TGM6: variants seen among roughly 807,000 people sequenced by gnomAD.
TGM6 encodes the protein transglutaminase 6.
Under a neutral mutation model 77.5 loss-of-function variants are expected in TGM6, and 74 were observed. That is an observed-to-expected ratio of 0.96 (90% CI 0.79 to 1.16). The LOEUF (loss-of-function observed/expected upper bound fraction) is 1.16. TGM6 is among the 50% of genes most tolerant of loss of function. The pLI is 0.00. For synonymous variants in TGM6, 383 were observed against 378.9 expected (o/e 1.01, Z -0.12); for missense variants, 968 against 940.2 (o/e 1.03, Z -0.39).
At chr20:2,388,922 A>C (rs1202904903) in intron 1 of TGM6, among the ~76,000 whole-genome samples, 1 of 152,204 alleles carries the variant, frequency 6.6e-6, no homozygotes, top group Non-Finnish European at 1.5e-5. Flanking sequence ...GTGGTTCTCA[A>C]CTGTGGCAGA....
Position 2,430,912 on chromosome 20 carries a change from G to A in TGM6, c.1852G>A (p.Val618Met), listed in dbSNP as rs941528706. 2 of 1,614,206 alleles carry A rather than the reference G, an allele frequency of 1.2e-6. No homozygotes were observed. Among genetic ancestry groups the A allele is most frequent in the Non-Finnish European group, 1.7e-6 (2 of 1,180,040 alleles). The change falls in exon 12 of 13, where the codon GTG becomes ATG. Residue 618 changes from valine (V) to methionine (M), a missense_variant. Transcript: ENST00000202625. ...ITIKVLGPAM[V>M]GVAVTVEVTV... ...CCTTCAGGTTCTGGGCCCAGCCATG[G>A]TGGGAGTGGCAGTTACAGTGGAAGT...
Position 2,395,200 on chromosome 20 carries a change from G to C in TGM6, c.188G>C (p.Arg63Pro). ...TCCCTCTCCTCTCCTCCAGGACCCCGGGCTTCTGAGGCCCTCCACACCAAA... is the reference window on the plus strand; with the variant it reads ...TCCCTCTCCTCTCCTCCAGGACCCCCGGCTTCTGAGGCCCTCCACACCAAA... ...ILIFTMETGPRASEALHTKAV... is the reference protein window; with the variant it reads ...ILIFTMETGPPASEALHTKAV... Residue 63 changes from arginine (R) to proline (P), a missense_variant, in exon 3 of 13, where the codon CGG becomes CCG. By Grantham distance (103) the Arg-to-Pro change is moderately radical. Transcript: ENST00000202625. The C allele has an allele frequency of 6.2e-7, 1 of 1,613,226 alleles. No homozygotes were observed. The highest frequency in any genetic ancestry group is 2.2e-5 in the East Asian group (1 of 44,876).
chr20:2,412,276 C>T (rs1404842541), intron 9 of TGM6, among the ~76,000 whole-genome samples: 2 of 152,016 alleles, frequency 1.3e-5, no homozygotes, highest in African/African-American at 4.8e-5. Flanking sequence ...TATGAAGTAC[C>T]TAGAGTAGCC....
intron 3 of TGM6, 32 bp from the exon 4 acceptor site, chr20:2,396,474 A>G (rs758336583): frequency 4.4e-6 from 7 of 1,606,650 alleles, no homozygotes; most frequent in Non-Finnish European, 5.1e-6. Context: ...CCAGAGCCCC[A>G]GTCCACACCG....
At chr20:2,417,839 T>C (rs1451435064) in intron 10 of TGM6, among the ~76,000 whole-genome samples, 1 of 152,232 alleles carries the variant, frequency 6.6e-6, no homozygotes, top group Non-Finnish European at 1.5e-5. Flanking sequence ...AGTTTCTATT[T>C]TTTTAATTAG....
chr20:2,430,305 C>T lies in TGM6; in HGVS notation c.1679-141C>T, dbSNP rs184464312. ...GGCCTTAGGTTTCTTCATCTGAGAA[C>T]CGAGGAAAATAAAGCCTGTCTCAGA... On this transcript the variant is annotated intron_variant, in intron 10 of 12. Transcript: ENST00000202625. 9 of 1,155,906 alleles carry T rather than the reference C, an allele frequency of 7.8e-6. No individual in the cohort carries two copies. In the Admixed American group the frequency reaches 1.3e-4, roughly 16 times the overall value. The allele number at this position is 1,155,906 out of a possible 1,614,324, so 71.6% of individuals were successfully genotyped here.
At chr20:2,384,597 T>G (rs1166143911) in intron 1 of TGM6, among the ~76,000 whole-genome samples, 1 of 152,160 alleles carries the variant, frequency 6.6e-6, no homozygotes, top group Non-Finnish European at 1.5e-5. Flanking sequence ...GGTATGATCA[T>G]CACCCTCATT....
At chr20:2,411,748 A>G (rs2084785546) in intron 9 of TGM6, among the ~76,000 whole-genome samples, 1 of 152,244 alleles carries the variant, frequency 6.6e-6, no homozygotes, top group South Asian at 2.1e-4. Context: ...CTTACATTAT[A>G]TAGAAAAATT....
At chr20:2,431,534 C>T (rs2084924132) in intron 12 of TGM6, among the ~76,000 whole-genome samples, 2 of 152,198 alleles carry the variant, frequency 1.3e-5, no homozygotes. Flanking sequence ...CTTGATTATA[C>T]TGACCTGTAC....
intron 1 of TGM6, among the ~76,000 whole-genome samples, chr20:2,394,154 G>A (rs769605442): frequency 6.6e-6 from 1 of 152,098 alleles, no homozygotes; most frequent in Admixed American, 6.5e-5. Context: ...TTACCCAGGT[G>A]TGGTGATGTG....
At chr20:2,424,707 T>G (rs2122428370) in intron 10 of TGM6, among the ~76,000 whole-genome samples, 1 of 152,360 alleles carries the variant, frequency 6.6e-6, no homozygotes, top group East Asian at 1.9e-4. Context: ...AAAACCTTGC[T>G]GTTTGGCACA....
intron 9 of TGM6, among the ~76,000 whole-genome samples, chr20:2,414,320 C>T (rs2084801594): frequency 6.6e-6 from 1 of 152,198 alleles, no homozygotes; most frequent in African/African-American, 2.4e-5. Flanking sequence ...AGATGCTTAA[C>T]ATCATTAAGT....
In TGM6 at chr20:2,430,929, A is replaced by C. The variant is rs757820537; in HGVS notation, c.1869A>C (p.Thr623=). Residue 623 remains threonine (T), a synonymous_variant, in exon 12 of 13, where the codon ACA becomes ACC. Coordinates refer to ENST00000202625, the MANE Select transcript of TGM6 (RefSeq NM_198994.3). ...CAGCCATGGTGGGAGTGGCAGTTAC[A>C]GTGGAAGTGACAGTAGTCAACCCCC... The part of the protein sequence containing the change: ...LGPAMVGVAV[T]VEVTVVNPLI... 1 of 1,614,148 alleles carries C rather than the reference A, an allele frequency of 6.2e-7. No homozygotes were observed. The highest frequency in any genetic ancestry group is 1.1e-5 in the South Asian group (1 of 91,082).
At chr20:2,399,311 C>T (rs1318936206) in intron 5 of TGM6, among the ~76,000 whole-genome samples, 1 of 152,138 alleles carries the variant, frequency 6.6e-6, no homozygotes, top group Non-Finnish European at 1.5e-5. Flanking sequence ...GATCATTTAA[C>T]ATAGGAAATG....
chr20:2,387,153 T>A (rs898260132), intron 1 of TGM6, among the ~76,000 whole-genome samples: 9 of 152,346 alleles, frequency 5.9e-5, no homozygotes, highest in African/African-American at 2.2e-4. Context: ...CCAGCTCTGC[T>A]GATATTAGAC....
At chr20:2,407,551 G>A (rs143268968) in intron 9 of TGM6, among the ~76,000 whole-genome samples, 12 of 152,282 alleles carry the variant, frequency 7.9e-5, no homozygotes, top group African/African-American at 1.9e-4. Flanking sequence ...GTCAGGAGGC[G>A]GAGGTTGCAG....
At chr20:2,407,884 T>A (rs778825385) in intron 9 of TGM6, among the ~76,000 whole-genome samples, 1 of 151,964 alleles carries the variant, frequency 6.6e-6, no homozygotes, top group Non-Finnish European at 1.5e-5. Flanking sequence ...CAAAGAGAAG[T>A]CCCCAGAGAA....
intron 10 of TGM6, among the ~76,000 whole-genome samples, chr20:2,426,443 A>C (rs2084888290): frequency 6.6e-6 from 1 of 152,218 alleles, no homozygotes; most frequent in Admixed American, 6.5e-5. Flanking sequence ...CTACATAAAC[A>C]ATTATATCAT....
At chr20:2,426,148 C>T (rs2122432024) in intron 10 of TGM6, among the ~76,000 whole-genome samples, 1 of 152,262 alleles carries the variant, frequency 6.6e-6, no homozygotes, top group East Asian at 1.9e-4. Context: ...TGGAATATCT[C>T]TCCATTTATT....
Sources: allele counts gnomAD v4.1 joint callset (sites outside exome capture counted in the v4.1 genomes callset), GRCh38; gene constraint gnomAD v4.1.1; transcripts MANE v1.5; gene names NCBI Gene and HGNC (gene_info 2026-07-23, HGNC 2026-07-21).